Variants in HERC3 observed in about 807,000 individuals in gnomAD.
HERC3 encodes the protein probable E3 ubiquitin-protein ligase HERC3.
In HERC3, 58 loss-of-function variants were observed where a neutral mutation model predicts 129.9. The ratio of observed to expected loss-of-function variants is 0.45; its 90% confidence interval spans 0.36 to 0.56. HERC3 has a LOEUF of 0.56. HERC3 is among the 20% of genes least tolerant of loss of function. HERC3 has a pLI of 0.00. For synonymous variants in HERC3, 430 were observed against 451.0 expected (o/e 0.95, Z 0.59); for missense variants, 835 against 1,244.2 (o/e 0.67, Z 4.95).
chr4:88,684,687 A>C (rs969504351), intron 21 of HERC3, among the ~76,000 whole-genome samples: 2 of 152,180 alleles, frequency 1.3e-5, no homozygotes, highest in Admixed American at 1.3e-4. Context: ...GGAACAGAAA[A>C]CCTATAGAAT....
At chr4:88,556,625 C>G in the HERC3 span, among the ~76,000 whole-genome samples, 6 of 152,148 alleles carry the variant, frequency 3.9e-5, no homozygotes, top group Non-Finnish European at 8.8e-5. Flanking sequence ...TACTTGCACT[C>G]AGTCCTAATA....
At chr4:88,545,078 C>G in the HERC3 span, among the ~76,000 whole-genome samples, 2 of 152,218 alleles carry the variant, frequency 1.3e-5, no homozygotes, top group African/African-American at 4.8e-5. Flanking sequence ...TCCAAACATT[C>G]ACACTCTGAG....
At chr4:88,606,154 A>G in intron 3 of HERC3, 105 bp downstream of exon 3, 1 of 853,100 alleles carries the variant, frequency 1.2e-6, no homozygotes, top group South Asian at 1.7e-5. Context: ...TTCGGTTTTC[A>G]GGGAGGCTCT....
At chr4:88,588,650 A>C (rs1392803457), upstream of HERC3, among the ~76,000 whole-genome samples, 3 of 152,238 alleles carry the variant, frequency 2.0e-5, no homozygotes, top group Admixed American at 2.0e-4. Flanking sequence ...TCAGAAATCT[A>C]TCTCTTTCAA....
chr4:88,649,814 TTCC>T, intron 3 of HERC3, 23 bp from the exon 4 acceptor site: 1 of 1,606,318 alleles, frequency 6.2e-7, no homozygotes, highest in Non-Finnish European at 8.5e-7. Context: ...GTTGTACATT[TTCC>T]TCCTCCAATT....
chr4:88,545,708 G>A, the HERC3 span, among the ~76,000 whole-genome samples: 1 of 151,908 alleles, frequency 6.6e-6, no homozygotes, highest in Non-Finnish European at 1.5e-5. Flanking sequence ...CTAAAGGTGT[G>A]CACCACCATG....
the HERC3 span, among the ~76,000 whole-genome samples, chr4:88,538,809 C>T: frequency 6.6e-6 from 1 of 152,248 alleles, no homozygotes; most frequent in African/African-American, 2.4e-5. Context: ...TCCCAAAGTG[C>T]TGGGATTACA....
At chr4:88,577,585 AT>A in the HERC3 span, among the ~76,000 whole-genome samples, 6 of 146,752 alleles carry the variant, frequency 4.1e-5, no homozygotes, top group Admixed American at 2.6e-4. Flanking sequence ...TATACTATGT[AT>A]ATATGTGTGT....
chr4:88,692,863 G>A (rs1734221209), intron 23 of HERC3: 84 of 984,952 alleles, frequency 8.5e-5, no homozygotes, highest in Non-Finnish European at 1.0e-4. Flanking sequence ...AGGGGCTAAG[G>A]CTGGGGCTCA....
chr4:88,523,853 C>T, the HERC3 span: 1 of 706,346 alleles, frequency 1.4e-6, no homozygotes. Context: ...GCTTTGGTTC[C>T]GAGGGTGCTT....
intron 3 of HERC3, among the ~76,000 whole-genome samples, chr4:88,629,981 G>A (rs528070875): frequency 6.6e-6 from 1 of 152,272 alleles, no homozygotes; most frequent in South Asian, 2.1e-4. Flanking sequence ...GGTATTGACT[G>A]CCTTCCAAGG....
the HERC3 span, among the ~76,000 whole-genome samples, chr4:88,568,993 C>A: frequency 6.6e-6 from 1 of 152,076 alleles, no homozygotes; most frequent in South Asian, 2.1e-4. Context: ...GTCACATGCA[C>A]CCCAAGTCCA....
intron 3 of HERC3, among the ~76,000 whole-genome samples, chr4:88,642,445 G>C (rs1484916666): frequency 6.6e-6 from 1 of 152,230 alleles, no homozygotes; most frequent in Non-Finnish European, 1.5e-5. Flanking sequence ...ATGTCAAACA[G>C]TGTTGGAAGA....
At chr4:88,608,571 A>G (rs1450141021) in intron 3 of HERC3, among the ~76,000 whole-genome samples, 1 of 152,248 alleles carries the variant, frequency 6.6e-6, no homozygotes, top group Admixed American at 6.5e-5. Context: ...TATTTTACCA[A>G]TTAATAGAAT....
At chr4:88,699,172 C>T (rs1322636368) in intron 23 of HERC3, among the ~76,000 whole-genome samples, 1 of 26,680 alleles carries the variant, frequency 3.7e-5, no homozygotes, top group African/African-American at 2.3e-4. Flanking sequence ...TCACCCTCTT[C>T]ACCCTCTTCT....
chr4:88,595,100 CA>C (rs758727600), intron 1 of HERC3, among the ~76,000 whole-genome samples: 802 of 60,082 alleles, frequency 0.013, 4 homozygotes, highest in African/African-American at 0.052. Context: ...GACTCTGTCT[CA>C]AAAAAAAAAA....
chr4:88,648,093 A>T (rs1728892115), intron 3 of HERC3, among the ~76,000 whole-genome samples: 1 of 152,128 alleles, frequency 6.6e-6, no homozygotes, highest in Non-Finnish European at 1.5e-5. Context: ...CTTTCTCATA[A>T]ATCATTTAGT....
Position 88,707,065 on chromosome 4 carries a change from G to C in HERC3, c.*105G>C. The C allele has an allele frequency of 1.1e-6, 1 of 883,868 alleles. No individual in the cohort carries two copies. Among genetic ancestry groups the C allele is most frequent in the Non-Finnish European group, 1.8e-6 (1 of 564,310 alleles). The allele number at this position is 883,868 out of a possible 1,614,324, so 54.8% of individuals were successfully genotyped here. The stretch of plus-strand genomic sequence containing the variant: ...TTTCTATTTTTTTATTGTCTAAGTG[G>C]GTTGGGACTTTTAAATACTGAGCCT... On this transcript the variant is annotated 3_prime_UTR_variant, in exon 26 of 26. Transcript: ENST00000402738.
chr4:88,694,841 C>T (rs1166539523), intron 23 of HERC3, among the ~76,000 whole-genome samples: 4 of 152,076 alleles, frequency 2.6e-5, no homozygotes, highest in Non-Finnish European at 5.9e-5. Flanking sequence ...ACTCTGAGAG[C>T]CTTTCACATA....
Sources: gnomAD v4.1 joint callset for allele counts (sites outside exome capture counted in the v4.1 genomes callset) on GRCh38, gnomAD v4.1.1 for gene constraint, MANE v1.5 for transcripts, NCBI Gene and HGNC (gene_info 2026-07-23, HGNC 2026-07-21) for gene names.